The following NRG3 variants were observed in gnomAD, a reference collection of about 807,000 sequenced individuals.
NRG3 encodes the protein pro-neuregulin-3, membrane-bound isoform.
In NRG3, 31 loss-of-function variants were observed where a neutral mutation model predicts 66.9. That is an observed-to-expected ratio of 0.46 (90% CI 0.35 to 0.63). NRG3 has a LOEUF of 0.63. Ranked by LOEUF, NRG3 falls within the 20% of genes least tolerant of loss-of-function variation. The pLI is 0.00. For synonymous variants in NRG3, 393 were observed against 359.4 expected, an observed-to-expected ratio of 1.09 and a Z score of -1.06; for missense variants, 910 against 878.9, an observed-to-expected ratio of 1.04 and a Z score of -0.45.
At chr10:82,493,361 A>G (rs767344208) in intron 2 of NRG3, among the ~76,000 whole-genome samples, 2 of 152,040 alleles carry the variant, frequency 1.3e-5, no homozygotes, top group African/African-American at 2.4e-5. Flanking sequence ...GCTCCTACTT[A>G]TAAGTGAGGA....
intron 2 of NRG3, among the ~76,000 whole-genome samples, chr10:82,371,724 T>C (rs1324815072): frequency 6.6e-6 from 1 of 152,196 alleles, no homozygotes; most frequent in Non-Finnish European, 1.5e-5. Flanking sequence ...CATCTGCATT[T>C]GGTGAAGGTC....
At chr10:82,527,512 G>A (rs1590498385) in intron 2 of NRG3, among the ~76,000 whole-genome samples, 1 of 152,044 alleles carries the variant, frequency 6.6e-6, no homozygotes, top group Non-Finnish European at 1.5e-5. Context: ...TATTTTCCAC[G>A]CTGTTCTCTT....
chr10:82,548,597 T>C (rs114761125), intron 2 of NRG3, among the ~76,000 whole-genome samples: 3,043 of 151,356 alleles, frequency 0.02, 107 homozygotes, highest in African/African-American at 0.068. Context: ...TTTAAGAACT[T>C]GTCCAGTCGG....
intron 2 of NRG3, among the ~76,000 whole-genome samples, chr10:82,645,834 T>C (rs2050892189): frequency 6.6e-6 from 1 of 152,130 alleles, no homozygotes; most frequent in Admixed American, 6.6e-5. Flanking sequence ...TTCTATGTTT[T>C]CTTTTTTTAA....
At chr10:82,266,940 T>G (rs2078330621) in intron 1 of NRG3, among the ~76,000 whole-genome samples, 1 of 152,182 alleles carries the variant, frequency 6.6e-6, no homozygotes, top group African/African-American at 2.4e-5. Context: ...TTCTAGAGTC[T>G]AGGGGAGTGA....
chr10:81,894,570 A>G lies in NRG3; in HGVS notation c.823+18407A>G, dbSNP rs115229272. Among the ~76,000 whole-genome samples, 719 of 152,286 alleles carry G rather than the reference A, an allele frequency of 4.7e-3. 9 individuals are homozygous for G. Among genetic ancestry groups the G allele is most frequent in the African/African-American group, 0.017 (688 of 41,560 alleles). ...AGGCACTAGAGTTTACGGCCTCGAC[A>G]TATGAATGGGGGGACACAATTCAGT... On this transcript the variant is annotated intron_variant, in intron 1 of 8. Transcript: ENST00000372141.
chr10:82,752,138 G>A (rs1328381445), intron 3 of NRG3, among the ~76,000 whole-genome samples: 1 of 152,098 alleles, frequency 6.6e-6, no homozygotes, highest in African/African-American at 2.4e-5. Flanking sequence ...TTCACCCAAT[G>A]TCTATGACTT....
chr10:82,870,804 G>C (rs1841272538), intron 4 of NRG3, among the ~76,000 whole-genome samples: 1 of 151,954 alleles, frequency 6.6e-6, no homozygotes, highest in Non-Finnish European at 1.5e-5. Flanking sequence ...AGAATTCTTT[G>C]TATTTTTGAA....
rs141582670 is a variant in NRG3 at position 82,004,541 on chromosome 10, G to A, written c.823+128378G>A. 5.9e-4 allele frequency among the ~76,000 whole-genome samples: 90 copies of A among 152,222 alleles called. 1 individual carries two copies. Among genetic ancestry groups the A allele is most frequent in the Admixed American group, 1.8e-3 (28 of 15,290 alleles). On this transcript the variant is annotated intron_variant, in intron 1 of 8. Transcript: ENST00000372141. ...ATCCCATGTTTCTGCAGGTATGTGC[G>A]GCAGTGCTGATGTTTTTGTCAACAG... is the stretch of plus-strand genomic sequence containing the variant.
intron 4 of NRG3, among the ~76,000 whole-genome samples, chr10:82,909,951 AT>A (rs1281367886): frequency 6.6e-6 from 1 of 152,226 alleles, no homozygotes; most frequent in Non-Finnish European, 1.5e-5. Flanking sequence ...TTGAAATTCT[AT>A]GCTGAAAGTG....
At chr10:82,248,182 G>T (rs967700432) in intron 1 of NRG3, among the ~76,000 whole-genome samples, 1 of 152,128 alleles carries the variant, frequency 6.6e-6, no homozygotes, top group African/African-American at 2.4e-5. Flanking sequence ...CAGTTCACTA[G>T]CTCTTTCAAA....
chr10:82,194,044 C>G (rs143252594), intron 1 of NRG3, among the ~76,000 whole-genome samples: 6 of 152,116 alleles, frequency 3.9e-5, no homozygotes, highest in African/African-American at 1.4e-4. Context: ...AAACTAGGAA[C>G]CACTCCAGCC....
At chr10:82,689,545 A>G (rs1048331226) in intron 2 of NRG3, among the ~76,000 whole-genome samples, 3 of 152,350 alleles carry the variant, frequency 2.0e-5, no homozygotes, top group Non-Finnish European at 4.4e-5. Context: ...AGCAGTCAAT[A>G]TAGGTTATGC....
At chr10:81,917,969 C>A (rs1480307941) in intron 1 of NRG3, among the ~76,000 whole-genome samples, 1 of 152,130 alleles carries the variant, frequency 6.6e-6, no homozygotes, top group Middle Eastern at 3.2e-3. Flanking sequence ...AATGGAATAC[C>A]ATGGCTTGTG....
intron 3 of NRG3, among the ~76,000 whole-genome samples, chr10:82,795,538 T>G (rs1190262095): frequency 6.6e-6 from 1 of 152,204 alleles, no homozygotes; most frequent in African/African-American, 2.4e-5. Flanking sequence ...ACAACAAATT[T>G]CTTTATAGAT....
chr10:82,698,424 T>C (rs1002611211), intron 2 of NRG3, among the ~76,000 whole-genome samples: 2 of 152,190 alleles, frequency 1.3e-5, no homozygotes, highest in African/African-American at 4.8e-5. Context: ...CATTAACATA[T>C]GCTTTAAATA....
At chr10:82,053,386 A>C (rs2063691424) in intron 1 of NRG3, among the ~76,000 whole-genome samples, 1 of 152,142 alleles carries the variant, frequency 6.6e-6, no homozygotes, top group Admixed American at 6.6e-5. Flanking sequence ...GGGCTGAGGA[A>C]GATCCATAAA....
chr10:82,254,970 C>T (rs1382112310), intron 1 of NRG3, among the ~76,000 whole-genome samples: 1 of 152,170 alleles, frequency 6.6e-6, no homozygotes. Context: ...GACCTTGTTT[C>T]TCCTTCCTGA....
At chr10:82,971,477 C>A (rs141703641) in intron 6 of NRG3, among the ~76,000 whole-genome samples, 1,635 of 149,840 alleles carry the variant, frequency 0.011, 9 homozygotes, top group Middle Eastern at 0.024. Flanking sequence ...TACTCTCTTA[C>A]CCAGGCTGGA....
Sources: gnomAD v4.1 joint callset for allele counts (sites outside exome capture counted in the v4.1 genomes callset) on GRCh38, gnomAD v4.1.1 for gene constraint, MANE v1.5 for transcripts, NCBI Gene and HGNC (gene_info 2026-07-23, HGNC 2026-07-21) for gene names.